The following RIC3 variants were observed in gnomAD, a reference collection of about 807,000 sequenced individuals.
RIC3 encodes protein RIC-3.
RIC3 carries 28 observed loss-of-function variants against 27.3 expected under a neutral mutation model. That is an observed-to-expected ratio of 1.02 (90% confidence interval 0.76 to 1.41). RIC3 has a LOEUF of 1.41. RIC3 is among the 40% of genes most tolerant of loss of function. The probability of loss-of-function intolerance (pLI) is 0.00; values close to 1 mark genes in which losing one functional copy is unlikely to be tolerated. For synonymous variants in RIC3, 184 were observed against 160.4 expected, an observed-to-expected ratio of 1.15 and a Z score of -1.11; for missense variants, 501 against 444.7, an observed-to-expected ratio of 1.13 and a Z score of -1.14.
intron 4 of RIC3, among the ~76,000 whole-genome samples, chr11:8,134,363 T>C (rs1948112111): frequency 6.6e-6 from 1 of 152,252 alleles, no homozygotes; most frequent in Non-Finnish European, 1.5e-5. Flanking sequence ...CCATGGTATA[T>C]ATGTGCCACA....
At chr11:8,096,626 T>A in the RIC3 span, 6 of 1,158,848 alleles carry the variant, frequency 5.2e-6, no homozygotes, top group African/African-American at 3.0e-5. Context: ...ACCATGTGTA[T>A]TTCAGGGGCA....
At position 8,126,667 on chromosome 11, in the gene RIC3, T is replaced by A. The variant is rs183179116; in HGVS notation, c.662A>T (p.Asp221Val). 6.2e-7 allele frequency: 1 copy of A among 1,614,110 alleles called. No individual in the cohort carries two copies. The highest frequency in any genetic ancestry group is 8.5e-7 in the Non-Finnish European group (1 of 1,179,980). The part of the protein sequence containing the change: ...KEAEEAPYME[D>V]WEGYPEETYP... ...GAGAAGACACTGTTTACCTTCCCAG[T>A]CCTCCATGTAAGGGGCCTCCTCAGC... The change falls in exon 5 of 6, where the codon GAC becomes GTC. Residue 221 changes from aspartate (D) to valine (V), a missense_variant. Physicochemically the swap from Asp to Val is radical, Grantham distance 152. Coordinates refer to ENST00000309737, the MANE Select transcript of RIC3 (RefSeq NM_001206671.4).
chr11:8,134,039 A>C (rs1948065609), intron 4 of RIC3, among the ~76,000 whole-genome samples: 1 of 151,610 alleles, frequency 6.6e-6, no homozygotes, highest in African/African-American at 2.4e-5. Flanking sequence ...GTACATGTGC[A>C]CAATGTGCTG....
At chr11:8,163,445 C>T (rs1168124221) in intron 1 of RIC3, among the ~76,000 whole-genome samples, 1 of 150,028 alleles carries the variant, frequency 6.7e-6, no homozygotes, top group African/African-American at 2.5e-5. Context: ...GGCAGTTAGG[C>T]CAAAAAAAGT....
intron 5 of RIC3, among the ~76,000 whole-genome samples, chr11:8,113,518 C>G (rs1310732577): frequency 6.6e-6 from 1 of 152,148 alleles, no homozygotes; most frequent in Non-Finnish European, 1.5e-5. Context: ...GCCAGGTCTG[C>G]CCACATAGCC....
intron 1 of RIC3, among the ~76,000 whole-genome samples, chr11:8,159,571 T>A (rs981315972): frequency 1.3e-5 from 2 of 152,148 alleles, no homozygotes; most frequent in African/African-American, 4.8e-5. Flanking sequence ...TAAGATGGAA[T>A]AGAGCAACCA....
Position 8,161,316 on chromosome 11 carries a change from G to A in RIC3, c.124+7550C>T, listed in dbSNP as rs183764914. On this transcript the variant is annotated intron_variant, in intron 1 of 5. Coordinates refer to ENST00000309737, the MANE Select transcript of RIC3 (RefSeq NM_001206671.4). ...TTTCCTTTTGGCATAGTGAACTGGG[G>A]TCCCAAGTTTTTATTTTCTTTTCAC... is the stretch of plus-strand genomic sequence containing the variant. 6.4e-3 allele frequency among the ~76,000 whole-genome samples: 972 copies of A among 152,206 alleles called. 23 individuals are homozygous for A. Among genetic ancestry groups the A allele is most frequent in the Admixed American group, 0.051 (782 of 15,282 alleles).
intron 1 of RIC3, chr11:8,153,467 A>G (rs770186699): frequency 1.8e-5 from 8 of 448,076 alleles, no homozygotes; most frequent in Non-Finnish European, 3.6e-5. Context: ...TCATTCAATA[A>G]ATATTGGATT....
At chr11:8,128,744 CA>C (rs1947295032) in intron 4 of RIC3, among the ~76,000 whole-genome samples, 1 of 143,272 alleles carries the variant, frequency 7.0e-6, no homozygotes, top group South Asian at 2.2e-4. Flanking sequence ...TGAAAAGTTG[CA>C]AAAACTTTTT....
At chr11:8,100,024 G>A in the RIC3 span, among the ~76,000 whole-genome samples, 2 of 152,212 alleles carry the variant, frequency 1.3e-5, no homozygotes, top group Non-Finnish European at 2.9e-5. Flanking sequence ...CTGACTTAAT[G>A]TGCCTGAGCA....
downstream of RIC3, chr11:8,103,982 G>A (rs1944412247): frequency 6.6e-6 from 1 of 152,350 alleles, no homozygotes; most frequent in South Asian, 2.1e-4. Flanking sequence ...CCTAAGTGTG[G>A]AGAAGGATAG....
intron 5 of RIC3, among the ~76,000 whole-genome samples, chr11:8,122,439 G>A (rs549035542): frequency 6.6e-6 from 1 of 150,870 alleles, no homozygotes; most frequent in East Asian, 1.9e-4. Flanking sequence ...TTATTGCTAA[G>A]TGTATACCAC....
chr11:8,119,523 G>A (rs1946222960), intron 5 of RIC3, among the ~76,000 whole-genome samples: 1 of 152,084 alleles, frequency 6.6e-6, no homozygotes, highest in Admixed American at 6.5e-5. Context: ...TCCCTTCCTT[G>A]CACCTTATAC....
At chr11:8,103,456 TAAGTAG>T (rs1197213440), downstream of RIC3, 1 of 152,468 alleles carries the variant, frequency 6.6e-6, no homozygotes, top group Non-Finnish European at 1.5e-5. Context: ...TGTTTTGACT[TAAGTAG>T]AAGTAATATG....
chr11:8,127,999 C>A (rs777585295), intron 4 of RIC3, among the ~76,000 whole-genome samples: 1 of 152,226 alleles, frequency 6.6e-6, no homozygotes, highest in Non-Finnish European at 1.5e-5. Context: ...ACTTCTTCCA[C>A]ACCAAGCAGC....
chr11:8,159,021 G>C (rs1356362549), intron 1 of RIC3, among the ~76,000 whole-genome samples: 2 of 151,356 alleles, frequency 1.3e-5, no homozygotes. Flanking sequence ...GTGAGCCACC[G>C]CGCTCGGCCA....
At chr11:8,153,821 C>T (rs1478189582) in intron 1 of RIC3, among the ~76,000 whole-genome samples, 1 of 152,168 alleles carries the variant, frequency 6.6e-6, no homozygotes, top group Non-Finnish European at 1.5e-5. Flanking sequence ...CTCCTAAAAC[C>T]TGCTCTCCTC....
the RIC3 span, among the ~76,000 whole-genome samples, chr11:8,095,074 G>A: frequency 1.9e-3 from 285 of 152,346 alleles, 1 homozygote; most frequent in Non-Finnish European, 3.0e-3. Flanking sequence ...GTTACTGCAC[G>A]TGTGTATGTT....
chr11:8,158,170 A>G (rs1950841755), intron 1 of RIC3, among the ~76,000 whole-genome samples: 1 of 152,152 alleles, frequency 6.6e-6, no homozygotes, highest in South Asian at 2.1e-4. Context: ...TTGTATGTGT[A>G]TATTTATATA....
Sources: gnomAD v4.1 joint callset for allele counts (sites outside exome capture counted in the v4.1 genomes callset) on GRCh38, gnomAD v4.1.1 for gene constraint, MANE v1.5 for transcripts, NCBI Gene and HGNC (gene_info 2026-07-23, HGNC 2026-07-21) for gene names.